The following KMT2C variants were observed in gnomAD, a reference collection of about 807,000 sequenced individuals.
KMT2C encodes lysine methyltransferase 2C.
A neutral mutation model predicts 507.9 loss-of-function variants in KMT2C; 88 were observed. The observed-to-expected ratio is 0.17, with a 90% CI of 0.15 to 0.21. KMT2C has a LOEUF of 0.21. Among genes scored for constraint, KMT2C ranks in the 10% least tolerant of loss-of-function variants. The probability of loss-of-function intolerance (pLI) is 1.00; values close to 1 mark genes in which losing one functional copy is unlikely to be tolerated. For missense variants in KMT2C, 4,954 were observed against 5,957.8 expected, an observed-to-expected ratio of 0.83 and a Z score of 5.55; for synonymous variants, 2,049 against 2,080.8, an observed-to-expected ratio of 0.98 and a Z score of 0.42.
At chr7:152,220,431 T>C in intron 23 of KMT2C, 92 bp downstream of exon 23, 2 of 1,000,120 alleles carry the variant, frequency 2.0e-6, no homozygotes, top group South Asian at 3.0e-5. Flanking sequence ...CAGTGTGATT[T>C]ACCCTTTGGT....
chr7:152,245,419 T>C (rs2095455079), intron 14 of KMT2C, among the ~76,000 whole-genome samples: 1 of 152,242 alleles, frequency 6.6e-6, no homozygotes, highest in Admixed American at 6.5e-5. Flanking sequence ...TTCATTTTTA[T>C]ACTAAATGCT....
chr7:152,172,986 A>G (rs1255071311), intron 39 of KMT2C, among the ~76,000 whole-genome samples: 2 of 152,180 alleles, frequency 1.3e-5, no homozygotes, highest in Non-Finnish European at 2.9e-5. Flanking sequence ...TATGTCTTAA[A>G]TTTTCTGCAT....
intron 28 of KMT2C, among the ~76,000 whole-genome samples, chr7:152,195,148 T>C (rs904963699): frequency 2.6e-5 from 4 of 152,200 alleles, no homozygotes; most frequent in East Asian, 3.8e-4. Flanking sequence ...AAGAGTCACA[T>C]GTAAAAGTGG....
intron 5 of KMT2C, among the ~76,000 whole-genome samples, 159 bp downstream of exon 5, chr7:152,311,634 CCTTTT>C (rs1474185656): frequency 6.6e-6 from 1 of 152,062 alleles, no homozygotes; most frequent in Non-Finnish European, 1.5e-5. Context: ...AATAGATAAA[CCTTTT>C]CTTTTACCTA....
chr7:152,173,900 T>C lies in KMT2C; in HGVS notation c.9374+231A>G, dbSNP rs200653508. ...ATCTTCCAAATCTTTTTAAGATGTTTTACATTTACCATCCTTGAGACTAAT... is the reference window on the plus strand; with the variant it reads ...ATCTTCCAAATCTTTTTAAGATGTTCTACATTTACCATCCTTGAGACTAAT... On this transcript the variant is annotated intron_variant, in intron 39 of 58. Coordinates refer to ENST00000262189, the MANE Select transcript of KMT2C (RefSeq NM_170606.3). 2.6e-5 allele frequency among the ~76,000 whole-genome samples: 4 copies of C among 152,364 alleles called. No individual in the cohort carries two copies. In the East Asian group the frequency reaches 7.7e-4, roughly 29 times the overall value.
Position 152,154,053 on chromosome 7 carries a change from C to T in KMT2C, c.12233G>A (p.Gly4078Asp), listed in dbSNP as rs763438245. 1.2e-6 allele frequency: 2 copies of T among 1,614,032 alleles called. No homozygotes were observed. The highest frequency in any genetic ancestry group is 2.2e-5 in the South Asian group (2 of 91,074). The part of the protein sequence containing the change: ...FGPSPNGPRS[G>D]LISVAITLHP... ...CAGAGTAATTGCTACAGATATAAGA[C>T]CTGATCTGGGACCATTTGGGGAAGG... The change falls in exon 48 of 59, where the codon GGT (glycine) becomes GAT (aspartate). Residue 4078 changes from glycine (G) to aspartate (D), a missense_variant. Transcript: ENST00000262189.
intron 2 of KMT2C, among the ~76,000 whole-genome samples, chr7:152,350,026 C>T (rs531740652): frequency 1.6e-4 from 25 of 152,074 alleles, no homozygotes; most frequent in East Asian, 3.9e-4. Context: ...CTGAGGTGGG[C>T]GGATCACCTG....
intron 1 of KMT2C, among the ~76,000 whole-genome samples, chr7:152,387,215 T>C (rs2097437064): frequency 6.6e-6 from 1 of 151,772 alleles, no homozygotes; most frequent in African/African-American, 2.4e-5. Flanking sequence ...TTAAAATTAT[T>C]AAAAATATTA....
At chr7:152,247,361 C>G (rs2095487967) in intron 14 of KMT2C, among the ~76,000 whole-genome samples, 1 of 151,926 alleles carries the variant, frequency 6.6e-6, no homozygotes, top group Non-Finnish European at 1.5e-5. Flanking sequence ...AGATTTTTTT[C>G]CATGAAACTA....
intron 2 of KMT2C, among the ~76,000 whole-genome samples, chr7:152,333,921 C>T (rs1158254471): frequency 6.6e-6 from 1 of 151,924 alleles, no homozygotes; most frequent in African/African-American, 2.4e-5. Flanking sequence ...TCCTGTCTAT[C>T]CCGAGACAAA....
At position 152,413,885 on chromosome 7, in the gene KMT2C, C is replaced by CAAAAA. The variant is rs56006056; in HGVS notation, c.161+21736_161+21740dup. ...GGGTGACAAGAGCAAAACTCCGTCT[C>CAAAAA]AAAAAAAAAAAAAAATTTACAAAAG... On this transcript the variant is annotated intron_variant, in intron 1 of 58. Coordinates refer to ENST00000262189, the MANE Select transcript of KMT2C (RefSeq NM_170606.3). Among the ~76,000 whole-genome samples the CAAAAA allele has an allele frequency of 4.6e-4, 50 of 108,138 alleles. 1 individual carries two copies. Among genetic ancestry groups the CAAAAA allele is most frequent in the Admixed American group, 6.6e-4 (7 of 10,652 alleles). 70.9% of individuals were successfully genotyped at this position (108,138 alleles called of 152,430 possible).
At chr7:152,396,003 C>T (rs988280212) in intron 1 of KMT2C, among the ~76,000 whole-genome samples, 2 of 152,154 alleles carry the variant, frequency 1.3e-5, no homozygotes, top group African/African-American at 4.8e-5. Flanking sequence ...CCTACAAAAC[C>T]TTGTTTTCCC....
intron 52 of KMT2C, among the ~76,000 whole-genome samples, chr7:152,147,758 A>G (rs1017229178): frequency 4.0e-5 from 6 of 151,760 alleles, no homozygotes; most frequent in East Asian, 1.9e-4. Context: ...GAGGTCCCCA[A>G]TGCAAATGAC....
At position 152,162,678 on chromosome 7, in the gene KMT2C, C is replaced by G. The variant is rs147360558; in HGVS notation, c.10899G>C (p.Pro3633=). 6.2e-7 allele frequency: 1 copy of G among 1,614,164 alleles called. No homozygotes were observed. The highest frequency in any genetic ancestry group is 8.5e-7 in the Non-Finnish European group (1 of 1,180,036). ...AGGTAGTTTCTGAGATGCCTGGAGT[C>G]GGTGGGGCAGTTATATCTGAATGGG... ...STPHSDITAP[P]TPGISETTST... Residue 3633 remains proline, a synonymous_variant, in exon 43 of 59, where the codon CCG becomes CCC. Transcript: ENST00000262189.
At chr7:152,236,042 CTTAGA>C (rs1406629029) in intron 15 of KMT2C, 109 bp from the exon 16 acceptor site, 14 of 513,806 alleles carry the variant, frequency 2.7e-5, no homozygotes, top group African/African-American at 6.1e-5. Context: ...CAAACACTTC[CTTAGA>C]TAAGTATTAA....
intron 1 of KMT2C, chr7:152,368,178 T>C: frequency 1.1e-6 from 1 of 901,812 alleles, no homozygotes; most frequent in South Asian, 1.3e-5. Flanking sequence ...AAGTTGAAAA[T>C]GGTGAACATT....
intron 6 of KMT2C, among the ~76,000 whole-genome samples, chr7:152,284,790 G>T (rs960845154): frequency 6.6e-6 from 1 of 151,844 alleles, no homozygotes. Flanking sequence ...TACACAAATG[G>T]CAAAAAAAGA....
chr7:152,209,161 C>CAA (rs113423948), intron 23 of KMT2C, among the ~76,000 whole-genome samples: 1 of 60,444 alleles, frequency 1.7e-5, no homozygotes, highest in African/African-American at 6.1e-5. Context: ...TTCCAACTCT[C>CAA]AAAAAAAAAA....
chr7:152,353,966 ACT>A (rs938893202), intron 2 of KMT2C, among the ~76,000 whole-genome samples: 3 of 145,852 alleles, frequency 2.1e-5, no homozygotes, highest in Non-Finnish European at 2.9e-5. Context: ...TATGGAACAA[ACT>A]CTGTCTGGAT....
Sources: allele counts gnomAD v4.1 joint callset (sites outside exome capture counted in the v4.1 genomes callset), GRCh38; gene constraint gnomAD v4.1.1; transcripts MANE v1.5; gene names NCBI Gene and HGNC (gene_info 2026-07-23, HGNC 2026-07-21).